The following ZNF441 variants were observed in gnomAD, a reference collection of about 807,000 sequenced individuals.
The protein encoded by ZNF441 is zinc finger protein 441.
Under a neutral mutation model 64.5 loss-of-function variants are expected in ZNF441, and 25 were observed. The observed-to-expected ratio is 0.39, with a 90% CI of 0.28 to 0.54. The LOEUF is 0.54. ZNF441 is among the 20% of genes least tolerant of loss of function. The probability of loss-of-function intolerance (pLI) is 0.70; values close to 1 mark genes in which losing one functional copy is unlikely to be tolerated. For synonymous variants in ZNF441, 262 were observed against 268.0 expected, an observed-to-expected ratio of 0.98 and a Z score of 0.22; for missense variants, 715 against 843.3, an observed-to-expected ratio of 0.85 and a Z score of 1.88.
intron 1 of ZNF441, among the ~76,000 whole-genome samples, chr19:11,775,219 G>A (rs1302323622): frequency 1.3e-5 from 2 of 152,226 alleles, no homozygotes; most frequent in Non-Finnish European, 2.9e-5. Flanking sequence ...GAGAGATGAT[G>A]CAGAGCTGAA....
In ZNF441 at chr19:11,783,213, T is replaced by A. The variant is rs1228430838; in HGVS notation, c.*1307T>A. 2.0e-5 allele frequency: 3 copies of A among 152,038 alleles called. No individual in the cohort carries two copies. Among genetic ancestry groups the A allele is most frequent in the African/African-American group, 7.2e-5 (3 of 41,390 alleles). 9.4% of individuals were successfully genotyped at this position (152,038 alleles called of 1,614,324 possible). A position where few individuals can be genotyped will look rare whatever the true frequency, so the allele number is the denominator to read the frequency against. ...AAATATGTTCAACATCACTAATGAT[T>A]AGGAAAATGCAAATTGAAACCACAA... On this transcript the variant is annotated 3_prime_UTR_variant, in exon 4 of 4. Coordinates refer to ENST00000357901, the MANE Select transcript of ZNF441 (RefSeq NM_152355.3).
chr19:11,770,212 G>A (rs1051871829), intron 1 of ZNF441, among the ~76,000 whole-genome samples: 1 of 152,020 alleles, frequency 6.6e-6, no homozygotes, highest in Non-Finnish European at 1.5e-5. Flanking sequence ...TTACATGGTG[G>A]CAGGCAAGAC....
chr19:11,771,906 C>G (rs555220646), intron 1 of ZNF441, among the ~76,000 whole-genome samples: 1 of 152,164 alleles, frequency 6.6e-6, no homozygotes, highest in African/African-American at 2.4e-5. Context: ...CAGGTTTGTC[C>G]GCAGTTACCT....
At position 11,767,289 on chromosome 19, in the gene ZNF441, C is replaced by T; in HGVS notation, c.3+93C>T. The T allele has an allele frequency of 6.5e-7, 1 of 1,531,316 alleles. No homozygotes were observed. Among genetic ancestry groups the T allele is most frequent in the South Asian group, 1.2e-5 (1 of 83,432 alleles). The allele number at this position is 1,531,316 out of a possible 1,614,324, so 94.9% of individuals were successfully genotyped here. A position where few individuals can be genotyped will look rare whatever the true frequency, so the allele number is the denominator to read the frequency against. On this transcript the variant is annotated intron_variant, in intron 1 of 3. Coordinates refer to ENST00000357901, the MANE Select transcript of ZNF441 (RefSeq NM_152355.3). This position sits in a 1 kb window ranked among gnomAD's most constrained non-coding sequence, Gnocchi z 5.1. ...CTGTGGTGGCACCAGGTCTTCCCCG[C>T]CGGCGACACCCTGGCGCAGCTCGGC...
At chr19:11,777,473 A>T (rs930330875) in intron 1 of ZNF441, 138 bp from the exon 2 acceptor site, 2 of 891,526 alleles carry the variant, frequency 2.2e-6, no homozygotes, top group Admixed American at 5.8e-5. Flanking sequence ...GAGTGTAAAG[A>T]GAGAATAAGA....
At chr19:11,771,665 A>AAG (rs374737669) in intron 1 of ZNF441, among the ~76,000 whole-genome samples, 2,152 of 152,330 alleles carry the variant, frequency 0.014, 48 homozygotes, top group African/African-American at 0.05. Flanking sequence ...ACCAGAAGAC[A>AAG]AGTGTGAGCC....
intron 1 of ZNF441, among the ~76,000 whole-genome samples, chr19:11,775,088 C>A (rs1178366232): frequency 6.6e-6 from 1 of 152,136 alleles, no homozygotes; most frequent in Non-Finnish European, 1.5e-5. Flanking sequence ...AAAAGACATG[C>A]CAAACAAAAA....
At chr19:11,769,097 T>C (rs1420107182) in intron 1 of ZNF441, among the ~76,000 whole-genome samples, 1 of 152,110 alleles carries the variant, frequency 6.6e-6, no homozygotes, top group Non-Finnish European at 1.5e-5. Context: ...AAGGGATGCA[T>C]ATGGATCAAC....
chr19:11,770,702 G>A (rs1457127163), intron 1 of ZNF441, among the ~76,000 whole-genome samples: 3 of 152,120 alleles, frequency 2.0e-5, no homozygotes, highest in South Asian at 4.2e-4. Context: ...TGAGTGGCTG[G>A]AACTCCCACT....
In ZNF441 at chr19:11,780,319, A is replaced by T; in HGVS notation, c.495A>T (p.Gly165=). 1 of 1,614,222 alleles carries T rather than the reference A, an allele frequency of 6.2e-7. No homozygotes were observed. Among genetic ancestry groups the T allele is most frequent in the South Asian group, 1.1e-5 (1 of 91,086 alleles). Residue 165 remains glycine, a synonymous_variant, in exon 4 of 4, where the codon GGA becomes GGT. Coordinates refer to ENST00000357901, the MANE Select transcript of ZNF441 (RefSeq NM_152355.3). Reference sequence around the variant, plus strand: ...AAATACATGAAAGACCTCAGCATGGAAAGAAACTCTATGATTGTAAGGAAT... The same window carrying T: ...AAATACATGAAAGACCTCAGCATGGTAAGAAACTCTATGATTGTAAGGAAT... ...CFQIHERPQH[G]KKLYDCKECA... is the part of the protein sequence containing the mutation.
chr19:11,775,446 C>A (rs1158673831), intron 1 of ZNF441, among the ~76,000 whole-genome samples: 2 of 151,624 alleles, frequency 1.3e-5, no homozygotes, highest in East Asian at 3.9e-4. Flanking sequence ...TCTCCTGCCT[C>A]AGCCTCCCGA....
At chr19:11,778,471 G>A in intron 3 of ZNF441, 78 bp downstream of exon 3, 1 of 1,183,594 alleles carries the variant, frequency 8.4e-7, no homozygotes, top group Non-Finnish European at 1.2e-6. Context: ...TATTTTGTTT[G>A]TTTTAGAGAC....
At chr19:11,778,491 C>A in intron 3 of ZNF441, 98 bp downstream of exon 3, 1 of 972,502 alleles carries the variant, frequency 1.0e-6, no homozygotes, top group Non-Finnish European at 1.5e-6. Flanking sequence ...CAGTGTCTCA[C>A]TTTGTTGCTC....
rs1975277728 is a variant in ZNF441, at chr19:11,767,270, T to A, written c.3+74T>A. The A allele has an allele frequency of 1.3e-6, 2 of 1,548,336 alleles. No homozygotes were observed. The highest frequency in any genetic ancestry group is 1.2e-5 in the South Asian group (1 of 83,990). The stretch of plus-strand genomic sequence containing the variant: ...TGGAACCGGCCGGAACCGGCTGTGG[T>A]GGCACCAGGTCTTCCCCGCCGGCGA... On this transcript the variant is annotated intron_variant, in intron 1 of 3. Coordinates refer to ENST00000357901, the MANE Select transcript of ZNF441 (RefSeq NM_152355.3). The surrounding 1 kb of genome is among the most constrained non-coding windows in gnomAD (Gnocchi z 5.1).
Position 11,783,395 on chromosome 19 carries a change from A to G in ZNF441, c.*1489A>G, listed in dbSNP as rs1413227523. On this transcript the variant is annotated 3_prime_UTR_variant, in exon 4 of 4. Coordinates refer to ENST00000357901, the MANE Select transcript of ZNF441 (RefSeq NM_152355.3). ...ATGTAGATTTCTCAAAAACCTAAAA[A>G]TAGAACCACCACATGATCCAGCAAA... 6.6e-6 allele frequency: 1 copy of G among 152,238 alleles called. No individual in the cohort carries two copies. The highest frequency in any genetic ancestry group is 1.5e-5 in the Non-Finnish European group (1 of 68,030). The allele number at this position is 152,238 out of a possible 1,614,324, so 9.4% of individuals were successfully genotyped here.
At chr19:11,771,928 C>T (rs1204639458) in intron 1 of ZNF441, among the ~76,000 whole-genome samples, 2 of 152,220 alleles carry the variant, frequency 1.3e-5, no homozygotes, top group Non-Finnish European at 2.9e-5. Context: ...GAGGCGTAAC[C>T]ATCTCCCTGT....
chr19:11,780,646 C>T lies in ZNF441; in HGVS notation c.822C>T (p.His274=). The T allele has an allele frequency of 1.9e-6, 3 of 1,614,150 alleles. No individual in the cohort carries two copies. The highest frequency in any genetic ancestry group is 1.1e-5 in the South Asian group (1 of 91,082). ...SCYTQLYERT[H]TGEQSYECKQ... ...ACACTCAACTATATGAAAGGACTCA[C>T]ACTGGAGAACAATCCTATGAATGTA... Residue 274 remains histidine, a synonymous_variant, in exon 4 of 4, where the codon CAC becomes CAT. Transcript: ENST00000357901.
rs181230627 is a variant in ZNF441, at chr19:11,775,889, A to G, written c.4-1722A>G. ...GTGATCCACCTGCCTCAGCCTCCCA[A>G]AGTGCTGGGATTACAAACGTGAGCC... On this transcript the variant is annotated intron_variant, in intron 1 of 3. Transcript: ENST00000357901. Among the ~76,000 whole-genome samples the G allele has an allele frequency of 5.8e-3, 887 of 152,144 alleles. 10 individuals are homozygous for G. The highest frequency in any genetic ancestry group is 0.02 in the African/African-American group (830 of 41,490).
chr19:11,773,346 G>A (rs1975330416), intron 1 of ZNF441, among the ~76,000 whole-genome samples: 1 of 152,184 alleles, frequency 6.6e-6, no homozygotes, highest in Non-Finnish European at 1.5e-5. Flanking sequence ...ATGTGTTCAA[G>A]TGTGTTTTAT....
Sources: allele counts gnomAD v4.1 joint callset (sites outside exome capture counted in the v4.1 genomes callset), GRCh38; gene constraint gnomAD v4.1.1; non-coding constraint Gnocchi (gnomAD v3.1); transcripts MANE v1.5; gene names NCBI Gene and HGNC (gene_info 2026-07-23, HGNC 2026-07-21).